KLHL3: variants seen among roughly 807,000 people sequenced by gnomAD.
The protein encoded by KLHL3 is kelch-like protein 3.
In KLHL3, 19 loss-of-function variants were observed where a neutral mutation model predicts 70.5. The observed-to-expected ratio is 0.27, with a 90% CI of 0.19 to 0.40. The LOEUF (loss-of-function observed/expected upper bound fraction) is 0.40. KLHL3 is among the 10% of genes least tolerant of loss of function. KLHL3 has a pLI of 1.00. For missense variants in KLHL3, 512 were observed against 771.1 expected, an observed-to-expected ratio of 0.66 and a Z score of 3.98; for synonymous variants, 258 against 290.3, an observed-to-expected ratio of 0.89 and a Z score of 1.13.
intron 8 of KLHL3, among the ~76,000 whole-genome samples, chr5:137,649,670 G>A (rs1751150343): frequency 6.6e-6 from 1 of 152,256 alleles, no homozygotes; most frequent in Admixed American, 6.5e-5. Flanking sequence ...TGCATAATAA[G>A]TGGGTGACAT....
At chr5:137,654,246 AATT>A (rs1433738895) in intron 8 of KLHL3, among the ~76,000 whole-genome samples, 1 of 152,212 alleles carries the variant, frequency 6.6e-6, no homozygotes, top group African/African-American at 2.4e-5. Flanking sequence ...ACTGCATATA[AATT>A]ATTATACCTC....
In KLHL3 at chr5:137,639,913, T is replaced by A; in HGVS notation, c.968A>T (p.Glu323Val). ...AIRSVECYDF[E>V]EDRWDQIAEL... ...AGCAATCTGATCCCACCGGTCCTCCTCGAAATCATAGCACTCCACACTGCG... is the reference window on the plus strand; with the variant it reads ...AGCAATCTGATCCCACCGGTCCTCCACGAAATCATAGCACTCCACACTGCG... The change falls in exon 9 of 15, where the codon GAG (glutamate) becomes GTG (valine). Residue 323 changes from glutamate to valine, a missense_variant. By Grantham distance (121) the Glu-to-Val change is moderately radical (BLOSUM62 -2). Transcript: ENST00000309755. This position sits in a 1 kb window ranked among gnomAD's most constrained non-coding sequence, Gnocchi z 5.0. 1 of 1,614,126 alleles carries A rather than the reference T, an allele frequency of 6.2e-7. No individual in the cohort carries two copies. The highest frequency in any genetic ancestry group is 2.2e-5 in the East Asian group (1 of 44,880).
intron 8 of KLHL3, among the ~76,000 whole-genome samples, chr5:137,643,354 CAAA>C (rs11323248): frequency 8.1e-4 from 99 of 122,604 alleles, no homozygotes; most frequent in African/African-American, 9.4e-4. Flanking sequence ...GACCCTGTCT[CAAA>C]AAAAAAAAAA....
At chr5:137,652,639 A>G (rs1263174638) in intron 8 of KLHL3, among the ~76,000 whole-genome samples, 1 of 152,224 alleles carries the variant, frequency 6.6e-6, no homozygotes, top group Non-Finnish European at 1.5e-5. Flanking sequence ...AGAGAATAGA[A>G]TGGTGGTTAC....
At chr5:137,732,471 T>C (rs1193530926) in intron 1 of KLHL3, among the ~76,000 whole-genome samples, 3 of 150,748 alleles carry the variant, frequency 2.0e-5, no homozygotes, top group African/African-American at 4.9e-5. Context: ...AGGTTGTCTA[T>C]AAAAAGAAAG....
rs1425097046 is a variant in KLHL3 at position 137,628,380 on chromosome 5, A to G, written c.1508T>C (p.Val503Ala). ...ATCGTAAACCTCAACGCTCTTCCTC[A>G]CCAAAGGCCCATCATGCCCACCTGT... ...YATGGHDGPL[V>A]RKSVEVYDPG... Residue 503 changes from valine (V) to alanine (A), a missense_variant, in exon 13 of 15, where the codon GTG becomes GCG. Val to Ala is a moderately conservative substitution (Grantham distance 64, BLOSUM62 0). Coordinates refer to ENST00000309755, the MANE Select transcript of KLHL3 (RefSeq NM_017415.3). 2 of 1,614,104 alleles carry G rather than the reference A, an allele frequency of 1.2e-6. No homozygotes were observed. Among genetic ancestry groups the G allele is most frequent in the Admixed American group, 3.3e-5 (2 of 60,024 alleles).
Position 137,620,929 on chromosome 5 carries a change from G to C in KLHL3, c.*1169C>G, listed in dbSNP as rs932014029. On this transcript the variant is annotated 3_prime_UTR_variant, in exon 15 of 15. Transcript: ENST00000309755. ...AGACAGACTTGACCACTGTCACAAA[G>C]TGCCAAGGGCCAGCTCTAGTGGTAT... is the stretch of plus-strand genomic sequence containing the variant. 2 of 152,250 alleles carry C rather than the reference G, an allele frequency of 1.3e-5. No homozygotes were observed. The highest frequency in any genetic ancestry group is 1.3e-4 in the Admixed American group (2 of 15,284). The allele number at this position is 152,250 out of a possible 1,614,324, so 9.4% of individuals were successfully genotyped here.
Position 137,618,956 on chromosome 5 carries a change from A to T in KLHL3, c.*3142T>A, listed in dbSNP as rs1756318311. On this transcript the variant is annotated 3_prime_UTR_variant, in exon 15 of 15. Transcript: ENST00000309755. ...GAAAAATATGTTTCTGAAGGGTGAG[A>T]AACAAAAGGAAGAGAGCTACAGGCA... The T allele has an allele frequency of 6.6e-6, 1 of 152,036 alleles. No homozygotes were observed. The highest frequency in any genetic ancestry group is 2.4e-5 in the African/African-American group (1 of 41,428). The allele number at this position is 152,036 out of a possible 1,614,324, so 9.4% of individuals were successfully genotyped here.
chr5:137,692,389 T>G lies in KLHL3; in HGVS notation c.422A>C (p.Asp141Ala), dbSNP rs375560594. 5.6e-5 allele frequency: 91 copies of G among 1,613,874 alleles called. No homozygotes were observed. Among genetic ancestry groups the G allele is most frequent in the Non-Finnish European group, 6.9e-5 (82 of 1,180,032 alleles). Residue 141 changes from aspartate to alanine, a missense_variant, in exon 5 of 15, where the codon GAC becomes GCC. Coordinates refer to ENST00000309755, the MANE Select transcript of KLHL3 (RefSeq NM_017415.3). ...GGGATGCAACTGAGACTGCAGGAAG[T>G]CACAGCAGTTCTGCCGAACATCCAT... ...QLMDVRQNCC[D>A]FLQSQLHPTN...
At chr5:137,725,094 T>C in intron 1 of KLHL3, 3 of 983,218 alleles carry the variant, frequency 3.1e-6, no homozygotes, top group Middle Eastern at 5.3e-4. Flanking sequence ...CCTCAATAGA[T>C]TGCCCCATCC....
rs1750851302 is a variant in KLHL3, at chr5:137,639,304, T to C, written c.1022-154A>G. Among the ~76,000 whole-genome samples the C allele has an allele frequency of 6.6e-6, 1 of 152,198 alleles. No homozygotes were observed. The highest frequency in any genetic ancestry group is 1.5e-5 in the Non-Finnish European group (1 of 68,038). On this transcript the variant is annotated intron_variant, in intron 9 of 14. Transcript: ENST00000309755. The surrounding 1 kb of genome is among the most constrained non-coding windows in gnomAD (Gnocchi z 5.0). The stretch of plus-strand genomic sequence containing the variant: ...GTCATTATGGGATTCACTGGATTTC[T>C]TTCCTACTTGCTTTTCTAATTTTGT...
intron 10 of KLHL3, among the ~76,000 whole-genome samples, chr5:137,637,632 G>A (rs575429718): frequency 6.6e-6 from 1 of 152,352 alleles, no homozygotes; most frequent in South Asian, 2.1e-4. Flanking sequence ...AGGACAAGGG[G>A]TGTGTCTGAA....
At chr5:137,630,668 G>C (rs916459856) in intron 12 of KLHL3, among the ~76,000 whole-genome samples, 1 of 152,188 alleles carries the variant, frequency 6.6e-6, no homozygotes, top group African/African-American at 2.4e-5. Flanking sequence ...TTTGTGGATC[G>C]ACTTGGTTCT....
intron 8 of KLHL3, among the ~76,000 whole-genome samples, chr5:137,655,669 CA>C (rs1751321249): frequency 6.6e-6 from 1 of 152,078 alleles, no homozygotes; most frequent in African/African-American, 2.4e-5. Context: ...TAACCTCTTT[CA>C]TGTACAAAGA....
chr5:137,657,147 G>A (rs767722434), intron 8 of KLHL3, among the ~76,000 whole-genome samples: 16 of 152,176 alleles, frequency 1.1e-4, no homozygotes, highest in Non-Finnish European at 1.9e-4. Context: ...CCAACACCTG[G>A]TCTTGGAAAA....
Position 137,639,739 on chromosome 5 carries a change from G to A in KLHL3, c.1021+121C>T. On this transcript the variant is annotated intron_variant, in intron 9 of 14. Coordinates refer to ENST00000309755, the MANE Select transcript of KLHL3 (RefSeq NM_017415.3). This position sits in a 1 kb window ranked among gnomAD's most constrained non-coding sequence, Gnocchi z 5.0. ...AAAAAAAAAAAAAGTGTGCAGGAGGGAAACGAATGGGAGCCTGAAATGCAC... is the reference window on the plus strand; with the variant it reads ...AAAAAAAAAAAAAGTGTGCAGGAGGAAAACGAATGGGAGCCTGAAATGCAC... The A allele has an allele frequency of 4.4e-6, 3 of 685,438 alleles. No homozygotes were observed. The South Asian group carries it at 5.7e-5, about 13-fold the overall frequency. 42.5% of individuals were successfully genotyped at this position (685,438 alleles called of 1,614,324 possible).
intron 11 of KLHL3, among the ~76,000 whole-genome samples, chr5:137,636,225 C>A (rs1237483095): frequency 6.6e-6 from 1 of 152,164 alleles, no homozygotes; most frequent in African/African-American, 2.4e-5. Context: ...AATACCAGTG[C>A]AGACTGAGAA....
chr5:137,665,349 A>T (rs781055324), intron 6 of KLHL3, among the ~76,000 whole-genome samples: 1 of 152,238 alleles, frequency 6.6e-6, no homozygotes, highest in South Asian at 2.1e-4. Context: ...CTAGATCAAT[A>T]TTAAATTTCA....
chr5:137,680,801 C>T (rs1036897484), intron 5 of KLHL3, among the ~76,000 whole-genome samples: 1 of 152,172 alleles, frequency 6.6e-6, no homozygotes, highest in African/African-American at 2.4e-5. Flanking sequence ...GCCTCAGTCT[C>T]CCAAAATGCT....
Sources: allele counts gnomAD v4.1 joint callset (sites outside exome capture counted in the v4.1 genomes callset), GRCh38; gene constraint gnomAD v4.1.1; non-coding constraint Gnocchi (gnomAD v3.1); transcripts MANE v1.5; gene names NCBI Gene and HGNC (gene_info 2026-07-23, HGNC 2026-07-21).